RIN2: variants seen among roughly 807,000 people sequenced by gnomAD.
RIN2 encodes RAB5 interacting protein 2.
RIN2 carries 36 observed loss-of-function variants against 78.0 expected under a neutral mutation model. The ratio of observed to expected loss-of-function variants is 0.46; its 90% confidence interval spans 0.35 to 0.61. RIN2 has a LOEUF of 0.61. Ranked by LOEUF, RIN2 falls within the 20% of genes least tolerant of loss-of-function variation. RIN2 has a pLI of 0.00. For synonymous variants in RIN2, 466 were observed against 466.8 expected, an observed-to-expected ratio of 1.00 and a Z score of 0.02; for missense variants, 1,087 against 1,159.7, an observed-to-expected ratio of 0.94 and a Z score of 0.91.
At chr20:19,838,903 C>G (rs551613309) in intron 2 of RIN2, among the ~76,000 whole-genome samples, 8 of 152,126 alleles carry the variant, frequency 5.3e-5, no homozygotes, top group Non-Finnish European at 1.0e-4. Context: ...TCTCCAGCCC[C>G]CAAACCTCCA....
At chr20:19,898,611 C>T (rs1041457009) in intron 3 of RIN2, among the ~76,000 whole-genome samples, 1 of 152,212 alleles carries the variant, frequency 6.6e-6, no homozygotes, top group Non-Finnish European at 1.5e-5. Flanking sequence ...AAACTGGTAA[C>T]ATCCTACAAG....
intron 1 of RIN2, among the ~76,000 whole-genome samples, chr20:19,768,142 GTC>G (rs1225405728): frequency 6.6e-6 from 1 of 152,138 alleles, no homozygotes; most frequent in African/African-American, 2.4e-5. Flanking sequence ...GTTCTGCCTG[GTC>G]TCTCCCTATG....
At chr20:19,930,070 G>A (rs117078318) in intron 3 of RIN2, among the ~76,000 whole-genome samples, 1,922 of 151,982 alleles carry the variant, frequency 0.013, 25 homozygotes, top group Middle Eastern at 0.034. Context: ...GAATGGAAGG[G>A]GAGGGAAAAG....
chr20:19,988,171 T>G (rs2042679570), intron 9 of RIN2, among the ~76,000 whole-genome samples: 1 of 152,188 alleles, frequency 6.6e-6, no homozygotes, highest in Non-Finnish European at 1.5e-5. Flanking sequence ...CAGGCTGGAG[T>G]GCAGTGGCAG....
chr20:19,974,954 G>T lies in RIN2; in HGVS notation c.929G>T (p.Arg310Met), dbSNP rs1356059920. 1.3e-6 allele frequency: 1 copy of T among 743,442 alleles called. No homozygotes were observed. Among genetic ancestry groups the T allele is most frequent in the African/African-American group, 2.0e-5 (1 of 49,364 alleles). The allele number at this position is 743,442 out of a possible 1,614,324, so 46.1% of individuals were successfully genotyped here. ...GAGCGGACTCGGTCCCCCCCACCCA[G>T]GCCCCCGCCACCCGCTATTAATAGT... ...GTERTRSPPP[R>M]PPPPAINSLH... is the part of the protein sequence containing the mutation. The change falls in exon 9 of 13, where the codon AGG (arginine) becomes ATG (methionine). Residue 310 changes from arginine (R) to methionine (M), a missense_variant. Physicochemically the swap from Arg to Met is moderately conservative, Grantham distance 91 (BLOSUM62 -1). Around this residue, in one of 8 missense-constraint regions of RIN2, gnomAD observed 706 missense variants for 667.5 expected, o/e 1.06. Transcript: ENST00000255006.
intron 11 of RIN2, among the ~76,000 whole-genome samples, chr20:19,996,145 C>A (rs1295247403): frequency 6.6e-6 from 1 of 152,138 alleles, no homozygotes; most frequent in African/African-American, 2.4e-5. Flanking sequence ...GAAACCCCAT[C>A]TCTACTAAAA....
At chr20:19,882,224 G>C (rs1039678052) in intron 2 of RIN2, among the ~76,000 whole-genome samples, 3 of 152,116 alleles carry the variant, frequency 2.0e-5, no homozygotes, top group Admixed American at 6.6e-5. Flanking sequence ...ATGTAACCCA[G>C]GGAATTTGGA....
intron 2 of RIN2, among the ~76,000 whole-genome samples, chr20:19,835,768 T>C (rs1449228654): frequency 1.3e-5 from 2 of 152,208 alleles, no homozygotes; most frequent in African/African-American, 2.4e-5. Flanking sequence ...TCAAGCTTTT[T>C]TCAAGCACTC....
At chr20:19,776,329 G>A (rs1263558990) in intron 1 of RIN2, among the ~76,000 whole-genome samples, 1 of 152,204 alleles carries the variant, frequency 6.6e-6, no homozygotes, top group East Asian at 1.9e-4. Flanking sequence ...TCTCTCTGAA[G>A]CTTGCTACCT....
chr20:19,893,293 A>G (rs1445606047), intron 3 of RIN2, among the ~76,000 whole-genome samples: 1 of 152,202 alleles, frequency 6.6e-6, no homozygotes, highest in East Asian at 1.9e-4. Context: ...ATGCCATACA[A>G]TTGGAGAGGA....
intron 2 of RIN2, among the ~76,000 whole-genome samples, chr20:19,835,466 C>T (rs943913704): frequency 2.6e-5 from 4 of 152,080 alleles, no homozygotes; most frequent in Middle Eastern, 3.4e-3. Flanking sequence ...TTACTTTAAA[C>T]GAGATCAGAT....
chr20:19,838,382 A>G (rs1046639005), intron 2 of RIN2, among the ~76,000 whole-genome samples: 4 of 152,254 alleles, frequency 2.6e-5, no homozygotes, highest in African/African-American at 9.6e-5. Flanking sequence ...TGATCTACGT[A>G]CTATAAGGTT....
intron 4 of RIN2, among the ~76,000 whole-genome samples, chr20:19,949,447 T>C (rs984240674): frequency 1.3e-5 from 2 of 152,236 alleles, no homozygotes; most frequent in Non-Finnish European, 2.9e-5. Context: ...CACAGCCTAA[T>C]GGATGTGCAC....
chr20:19,778,952 A>T (rs1214959033), intron 1 of RIN2, among the ~76,000 whole-genome samples: 1 of 152,166 alleles, frequency 6.6e-6, no homozygotes, highest in African/African-American at 2.4e-5. Context: ...CTGGGTCCTG[A>T]CTCAGAGTAG....
At chr20:19,798,147 G>A (rs542388951) in intron 1 of RIN2, among the ~76,000 whole-genome samples, 7 of 152,188 alleles carry the variant, frequency 4.6e-5, no homozygotes, top group East Asian at 3.9e-4. Context: ...CACCACGCCC[G>A]GCCTATTCTA....
chr20:19,974,650 T>C lies in RIN2; in HGVS notation c.629-4T>C. On this transcript the variant is annotated splice_region_variant and splice_polypyrimidine_tract_variant and intron_variant, in intron 8 of 12. Coordinates refer to ENST00000255006, the MANE Select transcript of RIN2 (RefSeq NM_018993.4). ...TTCTTGTGTTCACTGATAATGACTT[T>C]CAGATTTCTGGAGCTCCCCAGCTGA... 1.2e-6 allele frequency: 2 copies of C among 1,609,480 alleles called. No homozygotes were observed. Among genetic ancestry groups the C allele is most frequent in the Non-Finnish European group, 1.7e-6 (2 of 1,176,898 alleles).
At chr20:19,836,177 T>C (rs1426614856) in intron 2 of RIN2, among the ~76,000 whole-genome samples, 1 of 152,196 alleles carries the variant, frequency 6.6e-6, no homozygotes, top group Non-Finnish European at 1.5e-5. Flanking sequence ...GCACAATCCA[T>C]GTCGACTGCA....
At chr20:19,928,455 G>A (rs1219597887) in intron 3 of RIN2, among the ~76,000 whole-genome samples, 1 of 152,218 alleles carries the variant, frequency 6.6e-6, no homozygotes, top group Admixed American at 6.5e-5. Flanking sequence ...AATTGCACAA[G>A]TTGCTGCCTG....
At chr20:19,823,724 C>T in intron 2 of RIN2, 1 of 1,589,900 alleles carries the variant, frequency 6.3e-7, no homozygotes, top group Non-Finnish European at 8.5e-7. Flanking sequence ...GCAGAAGGCA[C>T]CACCTCAATC....
Sources: allele counts gnomAD v4.1 joint callset (sites outside exome capture counted in the v4.1 genomes callset), GRCh38; gene constraint gnomAD v4.1.1; regional missense constraint gnomAD v4.1.1; transcripts MANE v1.5; gene names NCBI Gene and HGNC (gene_info 2026-07-23, HGNC 2026-07-21).